The following GIPC2 variants were observed in gnomAD, a reference collection of about 807,000 sequenced individuals.
The protein encoded by GIPC2 is PDZ domain-containing protein GIPC2.
Under a neutral mutation model 30.6 loss-of-function variants are expected in GIPC2, and 30 were observed. That is an observed-to-expected ratio of 0.98 (90% CI 0.73 to 1.33). The LOEUF is 1.33. Among genes scored for constraint, GIPC2 ranks in the 40% most tolerant of loss-of-function variants. GIPC2 has a pLI of 0.00. For synonymous variants in GIPC2, 167 were observed against 150.0 expected (o/e 1.11, Z -0.83); for missense variants, 414 against 390.3 (o/e 1.06, Z -0.51).
intron 1 of GIPC2, among the ~76,000 whole-genome samples, chr1:78,064,886 G>A (rs1264265470): frequency 6.6e-6 from 1 of 151,926 alleles, no homozygotes; most frequent in Non-Finnish European, 1.5e-5. Context: ...TGGGATTACA[G>A]GCACATGCCA....
At chr1:78,103,347 G>C (rs889301592) in intron 3 of GIPC2, among the ~76,000 whole-genome samples, 1 of 152,196 alleles carries the variant, frequency 6.6e-6, no homozygotes, top group Non-Finnish European at 1.5e-5. Flanking sequence ...CTTTTAAACT[G>C]TGTGATTTGG....
At chr1:78,068,540 A>G (rs1280236145) in intron 1 of GIPC2, among the ~76,000 whole-genome samples, 1 of 152,214 alleles carries the variant, frequency 6.6e-6, no homozygotes, top group Non-Finnish European at 1.5e-5. Context: ...TGTAAAATTG[A>G]TATTTCAAAC....
chr1:78,099,174 C>T (rs1662194829), intron 3 of GIPC2, among the ~76,000 whole-genome samples: 1 of 152,028 alleles, frequency 6.6e-6, no homozygotes, highest in South Asian at 2.1e-4. Context: ...ATATGCTTGT[C>T]TTAGGGTATT....
intron 1 of GIPC2, among the ~76,000 whole-genome samples, chr1:78,059,196 T>G (rs1289734933): frequency 2.0e-5 from 3 of 152,222 alleles, no homozygotes; most frequent in Non-Finnish European, 4.4e-5. Context: ...AAAGCTTCCC[T>G]GATATACTTA....
intron 1 of GIPC2, among the ~76,000 whole-genome samples, chr1:78,075,482 C>T (rs1044944459): frequency 6.6e-6 from 1 of 152,002 alleles, no homozygotes; most frequent in African/African-American, 2.4e-5. Flanking sequence ...AGAGTGGGCT[C>T]CAAATTGGTT....
At chr1:78,096,765 C>G (rs1281041381) in intron 3 of GIPC2, among the ~76,000 whole-genome samples, 2 of 152,166 alleles carry the variant, frequency 1.3e-5, no homozygotes, top group East Asian at 1.9e-4. Flanking sequence ...GCAAAGTACC[C>G]TGAGTAGGAT....
intron 1 of GIPC2, among the ~76,000 whole-genome samples, chr1:78,068,491 G>C (rs1488144723): frequency 6.6e-6 from 1 of 152,152 alleles, no homozygotes; most frequent in Non-Finnish European, 1.5e-5. Flanking sequence ...CTTGAAGTGG[G>C]AGCATTCTTA....
At chr1:78,078,418 A>G (rs190035985) in intron 1 of GIPC2, among the ~76,000 whole-genome samples, 112 of 152,266 alleles carry the variant, frequency 7.4e-4, no homozygotes, top group African/African-American at 2.5e-3. Flanking sequence ...TGCAGTGGCT[A>G]TCACATTCCT....
intron 2 of GIPC2, among the ~76,000 whole-genome samples, 185 bp downstream of exon 2, chr1:78,081,045 A>C (rs1661817935): frequency 6.6e-6 from 1 of 152,102 alleles, no homozygotes; most frequent in South Asian, 2.1e-4. Context: ...TATTTTCTTA[A>C]TTTCTTCCCT....
At position 78,046,182 on chromosome 1, in the gene GIPC2, G is replaced by A. The variant is rs1175539791; in HGVS notation, c.88G>A (p.Gly30Arg). 1 of 1,573,090 alleles carries A rather than the reference G, an allele frequency of 6.4e-7. No individual in the cohort carries two copies. The highest frequency in any genetic ancestry group is 1.4e-5 in the African/African-American group (1 of 72,734). Reference protein sequence around the residue: ...VEGEPTGAGGGSLSASRAPAR... With the variant: ...VEGEPTGAGGRSLSASRAPAR... Reference sequence around the variant, plus strand: ...GGGCGAGCCGACGGGCGCGGGCGGCGGGAGCCTCTCAGCGTCCCGGGCTCC... The same window carrying A: ...GGGCGAGCCGACGGGCGCGGGCGGCAGGAGCCTCTCAGCGTCCCGGGCTCC... The change falls in exon 1 of 6, where the codon GGG (glycine) becomes AGG (arginine). Residue 30 changes from glycine (G) to arginine (R), a missense_variant. Coordinates refer to ENST00000370759, the MANE Select transcript of GIPC2 (RefSeq NM_017655.6).
chr1:78,047,807 T>C (rs1661124066), intron 1 of GIPC2, among the ~76,000 whole-genome samples: 1 of 152,228 alleles, frequency 6.6e-6, no homozygotes, highest in African/African-American at 2.4e-5. Context: ...ATATGATTAA[T>C]ACCTAACAGT....
chr1:78,045,038 T>A (rs937050168), upstream of GIPC2: 9 of 968,928 alleles, frequency 9.3e-6, no homozygotes, highest in African/African-American at 1.4e-4. Context: ...AGAGGAGAGG[T>A]AAGGAAGCCA....
chr1:78,069,653 T>C (rs542278694), intron 1 of GIPC2, among the ~76,000 whole-genome samples: 1 of 152,068 alleles, frequency 6.6e-6, no homozygotes, highest in Admixed American at 6.6e-5. Flanking sequence ...TTTGTATTTT[T>C]AGTAGACACG....
At chr1:78,073,100 TGCCCG>T (rs1298563563) in intron 1 of GIPC2, among the ~76,000 whole-genome samples, 1 of 150,864 alleles carries the variant, frequency 6.6e-6, no homozygotes, top group African/African-American at 2.4e-5. Flanking sequence ...TGAGCCACCA[TGCCCG>T]GCCTTTTTTT....
chr1:78,061,806 A>G (rs1010752098), intron 1 of GIPC2, among the ~76,000 whole-genome samples: 10 of 152,160 alleles, frequency 6.6e-5, no homozygotes, highest in African/African-American at 1.4e-4. Context: ...TAGTAGAGAT[A>G]GGGTTTTGCC....
chr1:78,109,993 C>T lies in GIPC2; in HGVS notation c.608-9400C>T, dbSNP rs374301261. Among the ~76,000 whole-genome samples, 4 of 151,896 alleles carry T rather than the reference C, an allele frequency of 2.6e-5. No individual in the cohort carries two copies. The South Asian group carries it at 6.2e-4, about 24-fold the overall frequency. Reference sequence around the variant, plus strand: ...GTAGGTGGGAATTGAACAATGAGAACCCATGGACACAGGAAGGGGAACTTC... The same window carrying T: ...GTAGGTGGGAATTGAACAATGAGAATCCATGGACACAGGAAGGGGAACTTC... On this transcript the variant is annotated intron_variant, in intron 3 of 5. Transcript: ENST00000370759.
chr1:78,105,345 G>A (rs990912633), intron 3 of GIPC2, among the ~76,000 whole-genome samples: 34 of 149,088 alleles, frequency 2.3e-4, no homozygotes, highest in Non-Finnish European at 3.7e-4. Flanking sequence ...GGAGTGCAGT[G>A]GTGCGATCTC....
At chr1:78,051,261 A>G (rs1259841808) in intron 1 of GIPC2, among the ~76,000 whole-genome samples, 3 of 151,988 alleles carry the variant, frequency 2.0e-5, no homozygotes, top group African/African-American at 7.2e-5. Context: ...TATTATTAAC[A>G]AAAAAAAGAT....
chr1:78,074,596 C>A (rs1661681471), intron 1 of GIPC2, among the ~76,000 whole-genome samples: 1 of 152,158 alleles, frequency 6.6e-6, no homozygotes, highest in Admixed American at 6.5e-5. Flanking sequence ...TCAAGGAGGC[C>A]AAATGACTCA....
Sources: gnomAD v4.1 joint callset for allele counts (sites outside exome capture counted in the v4.1 genomes callset) on GRCh38, gnomAD v4.1.1 for gene constraint, MANE v1.5 for transcripts, NCBI Gene and HGNC (gene_info 2026-07-23, HGNC 2026-07-21) for gene names.